The following HELZ variants were observed in gnomAD, a reference collection of about 807,000 sequenced individuals.
HELZ encodes the protein ATP-dependent RNA helicase with zinc finger domain.
HELZ carries 23 observed loss-of-function variants against 218.2 expected under a neutral mutation model. The ratio of observed to expected loss-of-function variants is 0.11; its 90% CI spans 0.08 to 0.15. HELZ has a LOEUF of 0.15. Among genes scored for constraint, HELZ ranks in the 10% least tolerant of loss-of-function variants. The probability of loss-of-function intolerance (pLI) is 1.00; values close to 1 mark genes in which losing one functional copy is unlikely to be tolerated. For missense variants in HELZ, 1,813 were observed against 2,353.7 expected (o/e 0.77, Z 4.75); for synonymous variants, 814 against 829.4 (o/e 0.98, Z 0.32).
At chr17:67,135,818 C>A in intron 23 of HELZ, 152 bp downstream of exon 23, 1 of 628,604 alleles carries the variant, frequency 1.6e-6, no homozygotes, top group South Asian at 2.0e-5. Flanking sequence ...ATAAATAGAT[C>A]CAAAGTAATA....
chr17:67,223,281 C>T (rs897979089), intron 3 of HELZ, among the ~76,000 whole-genome samples: 1 of 151,426 alleles, frequency 6.6e-6, no homozygotes, highest in Admixed American at 6.6e-5. Flanking sequence ...AAAGAAGATA[C>T]TAAGTTGGGT....
rs1337629187 is a variant in HELZ, at chr17:67,073,113, C to CG, written c.*5138_*5139insC. On this transcript the variant is annotated 3_prime_UTR_variant, in exon 33 of 33. Transcript: ENST00000358691. Reference sequence around the variant, plus strand: ...TAAATAGTACTATGTGACTTCTACTCTGTGTTGCAACCTATGTAATTTGCC... The same window carrying CG: ...TAAATAGTACTATGTGACTTCTACTCGTGTGTTGCAACCTATGTAATTTGCC... 6.6e-6 allele frequency: 1 copy of CG among 152,238 alleles called. No individual in the cohort carries two copies. The highest frequency in any genetic ancestry group is 2.4e-5 in the African/African-American group (1 of 41,454). The allele number at this position is 152,238 out of a possible 1,614,324, so 9.4% of individuals were successfully genotyped here. A position where few individuals can be genotyped will look rare whatever the true frequency, so the allele number is the denominator to read the frequency against.
intron 31 of HELZ, among the ~76,000 whole-genome samples, chr17:67,102,730 G>A (rs1228035927): frequency 6.6e-6 from 1 of 152,180 alleles, no homozygotes; most frequent in African/African-American, 2.4e-5. Context: ...AATCTGCAAT[G>A]TGCTAAAAAA....
At chr17:67,142,264 T>C (rs770621567) in intron 21 of HELZ, among the ~76,000 whole-genome samples, 1 of 152,006 alleles carries the variant, frequency 6.6e-6, no homozygotes, top group Non-Finnish European at 1.5e-5. Flanking sequence ...TCCAGAACTT[T>C]GGGAGGCTGA....
intron 9 of HELZ, among the ~76,000 whole-genome samples, chr17:67,190,558 T>C (rs1164648349): frequency 6.6e-6 from 1 of 152,198 alleles, no homozygotes; most frequent in Non-Finnish European, 1.5e-5. Flanking sequence ...CAGCTCCCCA[T>C]ATTATTCACT....
chr17:67,152,783 AAAC>A (rs2038727303), intron 17 of HELZ, among the ~76,000 whole-genome samples: 1 of 151,520 alleles, frequency 6.6e-6, no homozygotes, highest in Admixed American at 6.6e-5. Flanking sequence ...AAAAAAAAAA[AAAC>A]AACTAGTGGA....
At chr17:67,244,085 C>A in intron 1 of HELZ, 1 of 630,278 alleles carries the variant, frequency 1.6e-6, no homozygotes, top group Non-Finnish European at 2.0e-6. Context: ...TCATCTTTTT[C>A]AACACAGACT....
chr17:67,170,664 TA>T (rs2037171459), intron 13 of HELZ, among the ~76,000 whole-genome samples: 1 of 151,842 alleles, frequency 6.6e-6, no homozygotes, highest in Admixed American at 6.6e-5. Context: ...CTGTCTCTAC[TA>T]AAAACACAAA....
At chr17:67,161,293 T>C (rs1250876426) in intron 15 of HELZ, among the ~76,000 whole-genome samples, 1 of 152,224 alleles carries the variant, frequency 6.6e-6, no homozygotes, top group Non-Finnish European at 1.5e-5. Context: ...TTTTATCTTG[T>C]CCTACACTAC....
chr17:67,117,355 A>G (rs965143144), intron 27 of HELZ, among the ~76,000 whole-genome samples: 9 of 152,176 alleles, frequency 5.9e-5, no homozygotes, highest in African/African-American at 2.2e-4. Flanking sequence ...ATCAGCAACT[A>G]AAGCACCTTT....
At position 67,136,119 on chromosome 17, in the gene HELZ, CTTTT is replaced by C. The variant is rs769068122; in HGVS notation, c.3029_3032del (p.Lys1010ArgfsTer13). ...TGGAATCTTCCAGAAGTTGCTCTTT[CTTTT>C]TAATTGGTGTCTGTTTATGTTTACA... On this transcript the variant is annotated frameshift_variant, in exon 23 of 33. Coordinates refer to ENST00000358691, the MANE Select transcript of HELZ (RefSeq NM_014877.4). LOFTEE classifies it high-confidence loss of function. 6.2e-7 allele frequency: 1 copy of C among 1,613,902 alleles called. No homozygotes were observed.
At chr17:67,133,982 T>C (rs2038066700) in intron 23 of HELZ, among the ~76,000 whole-genome samples, 1 of 152,236 alleles carries the variant, frequency 6.6e-6, no homozygotes, top group South Asian at 2.1e-4. Flanking sequence ...AAACGAAATA[T>C]ACTTACAATG....
intron 17 of HELZ, among the ~76,000 whole-genome samples, chr17:67,153,359 G>A (rs978741763): frequency 6.6e-6 from 1 of 152,174 alleles, no homozygotes; most frequent in Non-Finnish European, 1.5e-5. Flanking sequence ...TTACTAAGGA[G>A]ATGCAAGTCA....
At position 67,107,600 on chromosome 17, in the gene HELZ, G is replaced by A. The variant is rs1434324585; in HGVS notation, c.4810C>T (p.Leu1604Phe). ...LAEMPPPQSR[L>F]LQYRQVQSRS... ...CTCTGTACTTGTCTATATTGCAAAA[G>A]TCTTGATTGAGGTGGTGGCATTTCA... Residue 1604 changes from leucine (L) to phenylalanine (F), a missense_variant, in exon 31 of 33, where the codon CTT becomes TTT. By Grantham distance (22) the Leu-to-Phe change is conservative. This residue lies in a region of HELZ where 938 missense variants were observed against 1,027.5 expected (regional missense o/e 0.91). Transcript: ENST00000358691. The A allele has an allele frequency of 6.2e-7, 1 of 1,614,158 alleles. No homozygotes were observed. The highest frequency in any genetic ancestry group is 8.5e-7 in the Non-Finnish European group (1 of 1,180,004).
chr17:67,171,854 G>A (rs1273398030), intron 13 of HELZ, among the ~76,000 whole-genome samples: 1 of 149,872 alleles, frequency 6.7e-6, no homozygotes, highest in Non-Finnish European at 1.5e-5. Flanking sequence ...TTTTTGAGAC[G>A]GAGTTTCACT....
intron 31 of HELZ, among the ~76,000 whole-genome samples, chr17:67,088,313 C>T (rs2036455313): frequency 6.6e-6 from 1 of 152,072 alleles, no homozygotes; most frequent in African/African-American, 2.4e-5. Context: ...TGTACTTTCA[C>T]CACTGTTGTT....
At chr17:67,116,896 C>A (rs1276572444) in intron 27 of HELZ, among the ~76,000 whole-genome samples, 1 of 152,162 alleles carries the variant, frequency 6.6e-6, no homozygotes, top group Non-Finnish European at 1.5e-5. Context: ...GCTCTTGTTG[C>A]CCAGGCTGGA....
chr17:67,206,899 T>C (rs2040313917), intron 5 of HELZ, among the ~76,000 whole-genome samples: 1 of 147,970 alleles, frequency 6.8e-6, no homozygotes, highest in Non-Finnish European at 1.5e-5. Flanking sequence ...ATGCCGGGTT[T>C]TTTTGTTTTT....
rs1170812696 is a variant in HELZ at position 67,223,091 on chromosome 17, C to CAAAA, written c.-18-4273_-18-4270dup. On this transcript the variant is annotated intron_variant, in intron 3 of 32. Coordinates refer to ENST00000358691, the MANE Select transcript of HELZ (RefSeq NM_014877.4). ...TGAAACCCCATCTCTACTAAAAATACAAAAAAAAAAAAAAAAAAATTAGCC... is the reference window on the plus strand; with the variant it reads ...TGAAACCCCATCTCTACTAAAAATACAAAAAAAAAAAAAAAAAAAAAAATTAGCC... Among the ~76,000 whole-genome samples the CAAAA allele has an allele frequency of 3.4e-4, 32 of 95,140 alleles. 1 individual carries two copies. Among genetic ancestry groups the CAAAA allele is most frequent in the African/African-American group, 1.2e-3 (31 of 26,188 alleles). 62.4% of individuals were successfully genotyped at this position (95,140 alleles called of 152,430 possible).
Sources: gnomAD v4.1 joint callset for allele counts (sites outside exome capture counted in the v4.1 genomes callset) on GRCh38, gnomAD v4.1.1 for gene constraint, gnomAD v4.1.1 regional missense constraint, MANE v1.5 for transcripts, NCBI Gene and HGNC (gene_info 2026-07-23, HGNC 2026-07-21) for gene names.